Variants in BMPR1B observed in about 807,000 individuals in gnomAD.
BMPR1B encodes the protein bone morphogenetic protein receptor type-1B.
Under a neutral mutation model 59.1 loss-of-function variants are expected in BMPR1B, and 12 were observed. The observed-to-expected ratio is 0.20, with a 90% CI of 0.13 to 0.33. BMPR1B has a LOEUF of 0.33. Ranked by LOEUF, BMPR1B falls within the 10% of genes least tolerant of loss-of-function variation. The pLI, the probability that BMPR1B is intolerant of heterozygous loss-of-function variation, is 1.00. For missense variants in BMPR1B, 550 were observed against 610.9 expected (o/e 0.90, Z 1.05); for synonymous variants, 237 against 207.3 (o/e 1.14, Z -1.23).
At chr4:94,957,738 A>G (rs1049060055) in intron 2 of BMPR1B, among the ~76,000 whole-genome samples, 1 of 152,148 alleles carries the variant, frequency 6.6e-6, no homozygotes, top group African/African-American at 2.4e-5. Flanking sequence ...TCTAAGATAC[A>G]TTTCGCTTTG....
intron 3 of BMPR1B, among the ~76,000 whole-genome samples, chr4:95,028,347 T>C (rs890730201): frequency 6.6e-6 from 1 of 152,180 alleles, no homozygotes; most frequent in African/African-American, 2.4e-5. Context: ...GTATAATGTT[T>C]TGTTGTTTGA....
At chr4:94,995,537 T>C (rs895554875) in intron 2 of BMPR1B, among the ~76,000 whole-genome samples, 2 of 152,206 alleles carry the variant, frequency 1.3e-5, no homozygotes, top group African/African-American at 4.8e-5. Flanking sequence ...CATTTAGATA[T>C]GACTTTTATA....
chr4:94,976,346 A>G (rs1731032798), intron 2 of BMPR1B, among the ~76,000 whole-genome samples: 1 of 152,246 alleles, frequency 6.6e-6, no homozygotes, highest in Non-Finnish European at 1.5e-5. Context: ...TCAGAAATTC[A>G]AGGTGAGGTA....
rs559989172 is a variant in BMPR1B at position 94,875,411 on chromosome 4, G to A, written c.-182-420G>A. On this transcript the variant is annotated intron_variant, in intron 1 of 12. Coordinates refer to ENST00000515059, the MANE Select transcript of BMPR1B (RefSeq NM_001203.3). ...TTAATAATAACAAATGAGGCTGGAC[G>A]TGGTGGCTCACGCTTGTAATCCCAG... Among the ~76,000 whole-genome samples, 7 of 152,220 alleles carry A rather than the reference G, an allele frequency of 4.6e-5. No individual in the cohort carries two copies. In the East Asian group the frequency reaches 5.8e-4, roughly 13 times the overall value.
At chr4:95,013,787 A>G (rs1320767764) in intron 3 of BMPR1B, among the ~76,000 whole-genome samples, 2 of 152,272 alleles carry the variant, frequency 1.3e-5, no homozygotes, top group Middle Eastern at 6.8e-3. Context: ...TACTTATTAT[A>G]TGTTTGCTTT....
rs375850946 is a variant in BMPR1B, at chr4:94,938,956, A to C, written c.-112-57084A>C. Among the ~76,000 whole-genome samples, 27 of 152,308 alleles carry C rather than the reference A, an allele frequency of 1.8e-4. No homozygotes were observed. The South Asian group carries it at 4.1e-3, about 23-fold the overall frequency. On this transcript the variant is annotated intron_variant, in intron 2 of 12. Transcript: ENST00000515059. ...AGCCCAGGAGTTCAAGGTTGCAGTG[A>C]GCTGTGATGCAGCCACTGTATGCCA...
rs1728849128 is a variant in BMPR1B, at chr4:94,925,478, A to T, written c.-113+49578A>T. Among the ~76,000 whole-genome samples, 3 of 152,144 alleles carry T rather than the reference A, an allele frequency of 2.0e-5. No individual in the cohort carries two copies. In the South Asian group the frequency reaches 6.2e-4, roughly 32 times the overall value. ...TTTTACTGTTGTGTTTCTTAATCAC[A>T]TACTGGCTTCCAAACCTTAGCCAGT... On this transcript the variant is annotated intron_variant, in intron 2 of 12. Coordinates refer to ENST00000515059, the MANE Select transcript of BMPR1B (RefSeq NM_001203.3).
At chr4:94,795,298 C>T (rs1008025722) in intron 1 of BMPR1B, among the ~76,000 whole-genome samples, 23 of 148,274 alleles carry the variant, frequency 1.6e-4, no homozygotes, top group South Asian at 6.6e-4. Context: ...TTGTCTTTGG[C>T]TCTGTTTATA....
intron 2 of BMPR1B, among the ~76,000 whole-genome samples, chr4:94,993,458 G>A (rs1192106074): frequency 6.6e-6 from 1 of 152,012 alleles, no homozygotes; most frequent in Non-Finnish European, 1.5e-5. Context: ...CATTAAATTT[G>A]TATTGCAGTA....
At chr4:95,009,062 G>GA (rs373633624) in intron 3 of BMPR1B, among the ~76,000 whole-genome samples, 24 of 150,074 alleles carry the variant, frequency 1.6e-4, no homozygotes, top group African/African-American at 4.6e-4. Context: ...GTCTCTCTTA[G>GA]AAAAAAAAAG....
intron 2 of BMPR1B, among the ~76,000 whole-genome samples, chr4:94,907,040 C>T (rs747281869): frequency 8.6e-5 from 13 of 151,984 alleles, no homozygotes; most frequent in Non-Finnish European, 1.3e-4. Flanking sequence ...GAGTACTTCT[C>T]AGCATAAATG....
intron 2 of BMPR1B, among the ~76,000 whole-genome samples, chr4:94,897,412 TTCTG>T (rs1358413358): frequency 6.6e-6 from 1 of 152,096 alleles, no homozygotes; most frequent in African/African-American, 2.4e-5. Flanking sequence ...GGTACTGTTC[TTCTG>T]TCTTTCATTC....
chr4:95,061,368 A>T (rs1195624544), intron 3 of BMPR1B, among the ~76,000 whole-genome samples: 1 of 152,168 alleles, frequency 6.6e-6, no homozygotes, highest in African/African-American at 2.4e-5. Context: ...TTTCTGGAGG[A>T]AGCTCAGCAA....
chr4:94,869,592 T>G (rs542987950), intron 1 of BMPR1B, among the ~76,000 whole-genome samples: 1 of 152,216 alleles, frequency 6.6e-6, no homozygotes, highest in Non-Finnish European at 1.5e-5. Flanking sequence ...TAGGTTTGAC[T>G]GAATTAGAGG....
intron 3 of BMPR1B, among the ~76,000 whole-genome samples, chr4:95,098,826 C>T (rs937697500): frequency 3.3e-5 from 5 of 152,120 alleles, no homozygotes; most frequent in African/African-American, 4.8e-5. Context: ...ACACCATTCT[C>T]CTGCCTCAGA....
At chr4:94,965,906 G>T (rs1404716467) in intron 2 of BMPR1B, among the ~76,000 whole-genome samples, 1 of 152,120 alleles carries the variant, frequency 6.6e-6, no homozygotes, top group East Asian at 1.9e-4. Context: ...AACATTTGTG[G>T]AATTGGAAAA....
chr4:95,052,850 T>C (rs1319524325), intron 3 of BMPR1B, among the ~76,000 whole-genome samples: 2 of 152,222 alleles, frequency 1.3e-5, no homozygotes, highest in Non-Finnish European at 2.9e-5. Context: ...TTTGCTAGTT[T>C]AGTCTCTAAA....
chr4:95,061,185 ACACACACACACACACACACACACAC>A (rs1269073201), intron 3 of BMPR1B, among the ~76,000 whole-genome samples: 6 of 148,968 alleles, frequency 4.0e-5, no homozygotes, highest in African/African-American at 1.5e-4. Flanking sequence ...ACACACACAC[ACACACACACACACACACACACACAC>A]CACACACCCC....
chr4:94,783,079 G>A (rs1342913017), intron 1 of BMPR1B, among the ~76,000 whole-genome samples: 2 of 152,076 alleles, frequency 1.3e-5, no homozygotes, highest in African/African-American at 4.8e-5. Flanking sequence ...TGGATGAAAG[G>A]GTTTCTGTCT....
Sources: allele counts gnomAD v4.1 joint callset (sites outside exome capture counted in the v4.1 genomes callset), GRCh38; gene constraint gnomAD v4.1.1; transcripts MANE v1.5; gene names NCBI Gene and HGNC (gene_info 2026-07-23, HGNC 2026-07-21).